Variants in EYA1 observed in about 807,000 individuals in gnomAD.
The protein encoded by EYA1 is protein phosphatase EYA1.
Under a neutral mutation model 82.0 loss-of-function variants are expected in EYA1, and 16 were observed. The ratio of observed to expected loss-of-function variants is 0.20; its 90% CI spans 0.13 to 0.30. The LOEUF (loss-of-function observed/expected upper bound fraction) is 0.30, where lower values mean the gene tolerates loss of function less well. Ranked by LOEUF, EYA1 falls within the 10% of genes least tolerant of loss-of-function variation. EYA1 has a pLI of 1.00. For missense variants in EYA1, 633 were observed against 730.7 expected (o/e 0.87, Z 1.54); for synonymous variants, 261 against 264.4 (o/e 0.99, Z 0.12).
intron 9 of EYA1, among the ~76,000 whole-genome samples, chr8:71,294,674 T>A (rs1156417194): frequency 6.6e-6 from 1 of 152,236 alleles, no homozygotes; most frequent in Non-Finnish European, 1.5e-5. Flanking sequence ...CAATTTGATC[T>A]ATAAATTCAA....
intron 2 of EYA1, among the ~76,000 whole-genome samples, chr8:71,438,612 T>C (rs1056721505): frequency 6.6e-6 from 1 of 152,150 alleles, no homozygotes; most frequent in Non-Finnish European, 1.5e-5. Flanking sequence ...GATGCCTTCA[T>C]GAAGCATGTG....
At chr8:71,300,084 T>A (rs1820038248) in intron 7 of EYA1, among the ~76,000 whole-genome samples, 1 of 152,196 alleles carries the variant, frequency 6.6e-6, no homozygotes, top group African/African-American at 2.4e-5. Context: ...TTAGATGATC[T>A]TTAAGGTTCT....
intron 12 of EYA1, among the ~76,000 whole-genome samples, chr8:71,237,058 CTT>C (rs796067166): frequency 3.5e-5 from 5 of 144,604 alleles, no homozygotes; most frequent in African/African-American, 1.0e-4. Flanking sequence ...CATTTCTTTT[CTT>C]TTTTTTTTTT....
chr8:71,290,896 A>C (rs1184196793), intron 9 of EYA1, among the ~76,000 whole-genome samples: 1 of 152,228 alleles, frequency 6.6e-6, no homozygotes, highest in Admixed American at 6.5e-5. Flanking sequence ...TCACATCTTA[A>C]TAGCCTAGCT....
chr8:71,269,989 T>C (rs144696376), intron 10 of EYA1, among the ~76,000 whole-genome samples, 166 bp from the exon 11 acceptor site: 112 of 152,346 alleles, frequency 7.4e-4, no homozygotes, highest in African/African-American at 2.5e-3. Flanking sequence ...TCCTAACTTT[T>C]CTCCAGATAT....
At position 71,541,660 on chromosome 8, in the gene EYA1, A is replaced by T. The variant is rs1312924543; in HGVS notation, c.-72-5812T>A. 2.6e-5 allele frequency among the ~76,000 whole-genome samples: 4 copies of T among 152,366 alleles called. No individual in the cohort carries two copies. In the East Asian group the frequency reaches 7.7e-4, roughly 29 times the overall value. Reference sequence around the variant, plus strand: ...ATGATTGATGGCACACCCATAAGGGATTTGAGAAAGTGGTATGTACACAGC... The same window carrying T: ...ATGATTGATGGCACACCCATAAGGGTTTTGAGAAAGTGGTATGTACACAGC... On this transcript the variant is annotated intron_variant, in intron 1 of 18. Transcript: ENST00000643681.
intron 12 of EYA1, among the ~76,000 whole-genome samples, chr8:71,227,351 C>A (rs1810679948): frequency 6.6e-6 from 1 of 152,050 alleles, no homozygotes; most frequent in Non-Finnish European, 1.5e-5. Flanking sequence ...ATCTATTATT[C>A]CTGCTGAGAG....
intron 2 of EYA1, among the ~76,000 whole-genome samples, chr8:71,445,970 G>T (rs933438895): frequency 5.3e-5 from 8 of 152,132 alleles, no homozygotes; most frequent in African/African-American, 1.9e-4. Context: ...TAAACTAGGA[G>T]ACTACAGTTG....
In EYA1 at chr8:71,481,120, T is replaced by A. The variant is rs1265457050; in HGVS notation, c.33+54624A>T. ...TTAAGTTAACGAATATAGAAAATTA[T>A]GCACAAATAAAGAAAACACACAGAT... On this transcript the variant is annotated intron_variant, in intron 2 of 18. Coordinates refer to the EYA1 transcript ENST00000643681. 2.0e-5 allele frequency among the ~76,000 whole-genome samples: 3 copies of A among 152,162 alleles called. No individual in the cohort carries two copies. The East Asian group carries it at 5.8e-4, about 29-fold the overall frequency.
At chr8:71,409,197 C>T (rs1447388939) in intron 2 of EYA1, among the ~76,000 whole-genome samples, 1 of 53,764 alleles carries the variant, frequency 1.9e-5, no homozygotes, top group Admixed American at 1.7e-4. Context: ...CACAACATAC[C>T]AGAATCTCTG....
intron 2 of EYA1, among the ~76,000 whole-genome samples, chr8:71,415,580 A>T (rs1371811871): frequency 6.6e-6 from 1 of 152,178 alleles, no homozygotes; most frequent in Non-Finnish European, 1.5e-5. Context: ...TTGAGGGACA[A>T]ATGTTAGTCT....
intron 2 of EYA1, among the ~76,000 whole-genome samples, chr8:71,387,872 AG>A (rs1563559678): frequency 6.6e-6 from 1 of 152,176 alleles, no homozygotes; most frequent in Non-Finnish European, 1.5e-5. Context: ...GAGAACAATT[AG>A]GGTGAGTGTG....
At chr8:71,401,848 G>T (rs1432459601) in intron 2 of EYA1, among the ~76,000 whole-genome samples, 1 of 152,152 alleles carries the variant, frequency 6.6e-6, no homozygotes, top group Non-Finnish European at 1.5e-5. Context: ...CCACTTAAAT[G>T]AATTATAGTT....
intron 11 of EYA1, among the ~76,000 whole-genome samples, chr8:71,245,347 C>T (rs1043379026): frequency 2.6e-5 from 4 of 152,090 alleles, no homozygotes; most frequent in Non-Finnish European, 5.9e-5. Flanking sequence ...CTGCCTCAGC[C>T]TCCCGAGTAG....
intron 2 of EYA1, among the ~76,000 whole-genome samples, chr8:71,506,973 A>C (rs970092539): frequency 3.3e-5 from 5 of 152,124 alleles, no homozygotes; most frequent in African/African-American, 9.7e-5. Context: ...TACAAAAATC[A>C]ACAAATAATA....
intron 2 of EYA1, among the ~76,000 whole-genome samples, chr8:71,462,649 C>A (rs1563638896): frequency 6.6e-6 from 1 of 152,186 alleles, no homozygotes; most frequent in East Asian, 1.9e-4. Flanking sequence ...GAGTGCAGTA[C>A]CACCCCAGGC....
intron 7 of EYA1, among the ~76,000 whole-genome samples, chr8:71,304,208 A>G (rs753592006): frequency 2.1e-5 from 3 of 142,488 alleles, no homozygotes; most frequent in Non-Finnish European, 4.8e-5. Context: ...AGCCAGCCCA[A>G]ATAAAGCATT....
chr8:71,492,884 A>G (rs145155493), intron 2 of EYA1, among the ~76,000 whole-genome samples: 3 of 152,294 alleles, frequency 2.0e-5, no homozygotes, highest in African/African-American at 7.2e-5. Context: ...AGTACCCATT[A>G]GTTGTGTTTC....
At chr8:71,399,195 C>T (rs13275621) in intron 2 of EYA1, among the ~76,000 whole-genome samples, 33,526 of 152,150 alleles carry the variant, frequency 0.22, 4,226 homozygotes, top group Middle Eastern at 0.32. Context: ...CCGTCTGTCA[C>T]GGCTTCCCTT....
Sources: allele counts gnomAD v4.1 joint callset (sites outside exome capture counted in the v4.1 genomes callset), GRCh38; gene constraint gnomAD v4.1.1; transcripts MANE v1.5; gene names NCBI Gene and HGNC (gene_info 2026-07-23, HGNC 2026-07-21).